TNKS1BP1: variants seen among roughly 807,000 people sequenced by gnomAD.
The protein encoded by TNKS1BP1 is CCR4-NOT transcription complex subunit 12, also known as 182 kDa tankyrase-1-binding protein.
Under a neutral mutation model 141.1 loss-of-function variants are expected in TNKS1BP1, and 48 were observed. The observed-to-expected ratio is 0.34, with a 90% CI of 0.27 to 0.43. The LOEUF is 0.43. Among genes scored for constraint, TNKS1BP1 ranks in the 20% least tolerant of loss-of-function variants. The probability of loss-of-function intolerance (pLI) is 1.00; values close to 1 mark genes in which losing one functional copy is unlikely to be tolerated. For missense variants in TNKS1BP1, 2,149 were observed against 2,226.0 expected (o/e 0.97, Z 0.70); for synonymous variants, 875 against 898.2 (o/e 0.97, Z 0.46).
chr11:57,300,673 G>T, intron 10 of TNKS1BP1, 73 bp from the exon 11 acceptor site: 1 of 1,592,404 alleles, frequency 6.3e-7, no homozygotes, highest in African/African-American at 1.3e-5. Flanking sequence ...ACGTGATAGG[G>T]ACAGAAACCA....
At chr11:57,322,959 G>A (rs980148682) in intron 1 of TNKS1BP1, among the ~76,000 whole-genome samples, 1 of 152,200 alleles carries the variant, frequency 6.6e-6, no homozygotes, top group South Asian at 2.1e-4. Flanking sequence ...ATGAGCTTCA[G>A]GATCTGATAT....
intron 3 of TNKS1BP1, among the ~76,000 whole-genome samples, 188 bp from the exon 4 acceptor site, chr11:57,318,075 T>G (rs1855824879): frequency 6.6e-6 from 1 of 152,230 alleles, no homozygotes; most frequent in Admixed American, 6.5e-5. Context: ...ATTCGGCAAG[T>G]GCCCCAGAAA....
chr11:57,305,513 C>T (rs1048214758), intron 6 of TNKS1BP1, among the ~76,000 whole-genome samples: 8 of 152,226 alleles, frequency 5.3e-5, no homozygotes, highest in Middle Eastern at 3.4e-3. Flanking sequence ...GCAAACATGG[C>T]GCTGGAACTA....
intron 1 of TNKS1BP1, chr11:57,322,187 G>A (rs1366036902): frequency 9.1e-7 from 1 of 1,093,810 alleles, no homozygotes. Flanking sequence ...GCTTCAGGGA[G>A]TCACTCACTG....
chr11:57,308,289 A>C, intron 6 of TNKS1BP1, 106 bp downstream of exon 6: 1 of 1,475,246 alleles, frequency 6.8e-7, no homozygotes, highest in Non-Finnish European at 9.1e-7. Context: ...CCAAACACTA[A>C]AAGTCCTCAG....
intron 4 of TNKS1BP1, 142 bp from the exon 5 acceptor site, chr11:57,314,031 T>G: frequency 9.9e-7 from 1 of 1,008,998 alleles, no homozygotes; most frequent in Non-Finnish European, 1.3e-6. Flanking sequence ...CCTCTTGGGA[T>G]AGCTGGGAGG....
rs757691432 is a variant in TNKS1BP1, at chr11:57,302,713, C to A, written c.4429G>T (p.Gly1477Cys). 4 of 1,600,852 alleles carry A rather than the reference C, an allele frequency of 2.5e-6. No individual in the cohort carries two copies. The East Asian group carries it at 6.7e-5, about 27-fold the overall frequency. ...AVARRESAAS[G>C]LGGLLEEEGA... ...TCCTCCTCCAACAGGCCCCCAAGGC[C>A]CGAGGCCGCTGACTCCCTCCGAGCC... Residue 1477 changes from glycine (G) to cysteine (C), a missense_variant, in exon 7 of 12, where the codon GGC becomes TGC. Transcript: ENST00000358252. The surrounding 1 kb of genome is among the most constrained non-coding windows in gnomAD (Gnocchi z 5.5).
intron 5 of TNKS1BP1, 76 bp from the exon 6 acceptor site, chr11:57,310,632 C>A: frequency 6.6e-7 from 1 of 1,526,548 alleles, no homozygotes; most frequent in South Asian, 1.3e-5. Context: ...CCAGCAGAGT[C>A]AGCGCTGCCT....
intron 1 of TNKS1BP1, among the ~76,000 whole-genome samples, chr11:57,324,251 A>C (rs1855928717): frequency 6.6e-6 from 1 of 152,108 alleles, no homozygotes; most frequent in Admixed American, 6.5e-5. Flanking sequence ...GGAAAGAGGG[A>C]GGGCCAACGG....
At chr11:57,318,109 C>CA (rs1472894056) in intron 3 of TNKS1BP1, among the ~76,000 whole-genome samples, 2 of 152,246 alleles carry the variant, frequency 1.3e-5, no homozygotes, top group East Asian at 3.8e-4. Flanking sequence ...CCTACCTGAG[C>CA]ATGAAGGGTT....
At position 57,302,975 on chromosome 11, in the gene TNKS1BP1, C is replaced by T; in HGVS notation, c.4317-150G>A. 1 of 955,054 alleles carries T rather than the reference C, an allele frequency of 1.0e-6. No individual in the cohort carries two copies. Among genetic ancestry groups the T allele is most frequent in the Non-Finnish European group, 1.5e-6 (1 of 678,476 alleles). The allele number at this position is 955,054 out of a possible 1,614,324, so 59.2% of individuals were successfully genotyped here. A position where few individuals can be genotyped will look rare whatever the true frequency, so the allele number is the denominator to read the frequency against. ...CCAGACTCCAAGGACACGGTCAGGGCCTTGAGCAACACAGCACACAGGTGA... is the reference window on the plus strand; with the variant it reads ...CCAGACTCCAAGGACACGGTCAGGGTCTTGAGCAACACAGCACACAGGTGA... On this transcript the variant is annotated intron_variant, in intron 6 of 11. Transcript: ENST00000358252. This position sits in a 1 kb window ranked among gnomAD's most constrained non-coding sequence, Gnocchi z 5.5.
Position 57,320,443 on chromosome 11 carries a change from C to A in TNKS1BP1, c.364G>T (p.Ala122Ser). Residue 122 changes from alanine (A) to serine (S), a missense_variant, in exon 3 of 12, where the codon GCT becomes TCT. Coordinates refer to ENST00000358252, the MANE Select transcript of TNKS1BP1 (RefSeq NM_033396.3). ...EATQETGKEE[A>S]GKEEPPPLTP... ...AAAGGGGGTGGCTCCTCTTTCCCAG[C>A]CTCCTCTTTCCCAGTCTCTTGGGTG... is the stretch of plus-strand genomic sequence containing the variant. 6.2e-7 allele frequency: 1 copy of A among 1,607,748 alleles called. No homozygotes were observed. The highest frequency in any genetic ancestry group is 8.5e-7 in the Non-Finnish European group (1 of 1,175,714).
Position 57,301,955 on chromosome 11 carries a change from C to T in TNKS1BP1, c.4835-12G>A. The T allele has an allele frequency of 2.5e-6, 4 of 1,612,384 alleles. No individual in the cohort carries two copies. The highest frequency in any genetic ancestry group is 3.4e-6 in the Non-Finnish European group (4 of 1,178,820). ...AGATGCCCGTGGCTCTGCAAAGGCC[C>T]GGGAAAGGGGCTCAGAAAAGGCAGC... On this transcript the variant is annotated splice_polypyrimidine_tract_variant and intron_variant, in intron 8 of 11. Coordinates refer to ENST00000358252, the MANE Select transcript of TNKS1BP1 (RefSeq NM_033396.3).
At position 57,309,485 on chromosome 11, in the gene TNKS1BP1, G is replaced by A; in HGVS notation, c.3226C>T (p.Leu1076=). The A allele has an allele frequency of 1.2e-6, 2 of 1,613,942 alleles. No individual in the cohort carries two copies. The highest frequency in any genetic ancestry group is 8.5e-7 in the Non-Finnish European group (1 of 1,180,024). ...CGCTTTCCCATCTCCCCATCTTCCA[G>A]GTCAGCACTGCCAGGGCCCTGAGCC... is the stretch of plus-strand genomic sequence containing the variant. ...AGAQGPGSAD[L]EDGEMGKRGW... is the part of the protein sequence containing the mutation. The change falls in exon 6 of 12, where the codon CTG becomes TTG. Residue 1076 remains leucine (L), a synonymous_variant. Transcript: ENST00000358252. This position sits in a 1 kb window ranked among gnomAD's most constrained non-coding sequence, Gnocchi z 4.3.
rs1855860708 is a variant in TNKS1BP1, at chr11:57,320,137, C to T, written c.670G>A (p.Gly224Arg). ...STLFRGWSQE[G>R]PVKSPAECRE... The stretch of plus-strand genomic sequence containing the variant: ...CACTCTGCTGGAGACTTTACTGGCC[C>T]CTCCTGGGACCATCCCCTGAAGAGG... The change falls in exon 3 of 12, where the codon GGG becomes AGG. Residue 224 changes from glycine (G) to arginine (R), a missense_variant. Transcript: ENST00000358252. The T allele has an allele frequency of 1.2e-6, 2 of 1,614,056 alleles. No homozygotes were observed. The highest frequency in any genetic ancestry group is 1.3e-5 in the African/African-American group (1 of 74,904).
intron 6 of TNKS1BP1, among the ~76,000 whole-genome samples, chr11:57,304,488 T>G (rs1374304463): frequency 6.6e-6 from 1 of 151,534 alleles, no homozygotes; most frequent in East Asian, 1.9e-4. Flanking sequence ...AGGGAGGGGG[T>G]GGCAACAGCA....
At chr11:57,324,098 C>G (rs1461916264) in intron 1 of TNKS1BP1, among the ~76,000 whole-genome samples, 1 of 152,222 alleles carries the variant, frequency 6.6e-6, no homozygotes, top group Non-Finnish European at 1.5e-5. Context: ...CGAGCTGACC[C>G]CTGGCAGATA....
At position 57,309,375 on chromosome 11, in the gene TNKS1BP1, G is replaced by T. The variant is rs201430131; in HGVS notation, c.3336C>A (p.Asp1112Glu). The T allele has an allele frequency of 5.0e-6, 8 of 1,614,180 alleles. No homozygotes were observed. The African/African-American group carries it at 9.3e-5, about 19-fold the overall frequency. ...TCCTCTCACTGGCCTCGATGCAGAA[G>T]TCCCGGCTCCAGTCCTGCTGCCCTG... ...FSPGQQDWSR[D>E]FCIEASERSY... is the part of the protein sequence containing the mutation. The change falls in exon 6 of 12, where the codon GAC (aspartate) becomes GAA (glutamate). Residue 1112 changes from aspartate to glutamate, a missense_variant. Asp to Glu is a conservative substitution (Grantham distance 45). Transcript: ENST00000358252. This position sits in a 1 kb window ranked among gnomAD's most constrained non-coding sequence, Gnocchi z 4.3.
At chr11:57,304,761 T>C (rs1367140933) in intron 6 of TNKS1BP1, among the ~76,000 whole-genome samples, 1 of 147,494 alleles carries the variant, frequency 6.8e-6, no homozygotes, top group Non-Finnish European at 1.5e-5. Context: ...TCCCAGCTTC[T>C]TGGGGGAGAC....
Sources: allele counts gnomAD v4.1 joint callset (sites outside exome capture counted in the v4.1 genomes callset), GRCh38; gene constraint gnomAD v4.1.1; non-coding constraint Gnocchi (gnomAD v3.1); transcripts MANE v1.5; gene names NCBI Gene and HGNC (gene_info 2026-07-23, HGNC 2026-07-21).